GPC5: variants seen among roughly 807,000 people sequenced by gnomAD.
GPC5 encodes the protein glypican 5, also known as glypican-5.
Under a neutral mutation model 53.9 loss-of-function variants are expected in GPC5, and 47 were observed. The ratio of observed to expected loss-of-function variants is 0.87; its 90% CI spans 0.69 to 1.11. The LOEUF is 1.11. Among genes scored for constraint, GPC5 ranks in the 50% most tolerant of loss-of-function variants. The pLI, the probability that GPC5 is intolerant of heterozygous loss-of-function variation, is 0.00. For missense variants in GPC5, 748 were observed against 713.1 expected, an observed-to-expected ratio of 1.05 and a Z score of -0.56; for synonymous variants, 286 against 263.3, an observed-to-expected ratio of 1.09 and a Z score of -0.84.
At chr13:91,801,669 A>G (rs1175964619) in intron 5 of GPC5, among the ~76,000 whole-genome samples, 1 of 152,218 alleles carries the variant, frequency 6.6e-6, no homozygotes, top group Non-Finnish European at 1.5e-5. Flanking sequence ...AATATTTCTA[A>G]TAACCAACAT....
At position 91,721,057 on chromosome 13, in the gene GPC5, T is replaced by C. The variant is rs113601597; in HGVS notation, c.1021-7475T>C. 2.6e-3 allele frequency among the ~76,000 whole-genome samples: 398 copies of C among 151,566 alleles called. 1 individual carries two copies. The highest frequency in any genetic ancestry group is 8.9e-3 in the African/African-American group (367 of 41,140). On this transcript the variant is annotated intron_variant, in intron 3 of 7. Coordinates refer to ENST00000377067, the MANE Select transcript of GPC5 (RefSeq NM_004466.6). ...TTATCTTGTCCATTTTCTTTCTTCC[T>C]TCCTTCCCTTTCTTTCTTTCTTTCT...
chr13:92,544,070 A>G (rs1385519632), intron 7 of GPC5, among the ~76,000 whole-genome samples: 2 of 152,052 alleles, frequency 1.3e-5, no homozygotes, highest in East Asian at 3.9e-4. Context: ...AAGTAACTGA[A>G]GTTCCTTGGT....
At chr13:91,616,228 A>C (rs564759056) in intron 2 of GPC5, among the ~76,000 whole-genome samples, 1 of 152,224 alleles carries the variant, frequency 6.6e-6, no homozygotes, top group East Asian at 1.9e-4. Flanking sequence ...GGGCACCCTG[A>C]CAATAAATTC....
intron 7 of GPC5, among the ~76,000 whole-genome samples, chr13:92,703,989 C>T (rs1887856729): frequency 6.6e-6 from 1 of 151,992 alleles, no homozygotes; most frequent in Non-Finnish European, 1.5e-5. Flanking sequence ...ATGTTTCCAT[C>T]ATAATTCTGG....
intron 2 of GPC5, among the ~76,000 whole-genome samples, chr13:91,519,319 A>T (rs1885677734): frequency 6.6e-6 from 1 of 152,126 alleles, no homozygotes; most frequent in African/African-American, 2.4e-5. Context: ...GGAACTATTT[A>T]TATATTTATG....
chr13:91,617,885 C>T (rs2033741144), intron 2 of GPC5, among the ~76,000 whole-genome samples: 1 of 152,060 alleles, frequency 6.6e-6, no homozygotes, highest in South Asian at 2.1e-4. Flanking sequence ...AGAAAGCAGC[C>T]ATAGACAATA....
At chr13:92,227,843 T>C (rs942729910) in intron 7 of GPC5, among the ~76,000 whole-genome samples, 5 of 152,064 alleles carry the variant, frequency 3.3e-5, no homozygotes, top group African/African-American at 1.2e-4. Flanking sequence ...ATAAATAAGG[T>C]ATAATTTTTG....
chr13:92,652,169 A>G (rs1489185389), intron 7 of GPC5, among the ~76,000 whole-genome samples: 1 of 152,160 alleles, frequency 6.6e-6, no homozygotes, highest in African/African-American at 2.4e-5. Context: ...ATAAACATAT[A>G]TTTGCAGATA....
chr13:92,810,887 A>G (rs1566428428), intron 7 of GPC5, among the ~76,000 whole-genome samples: 1 of 151,624 alleles, frequency 6.6e-6, no homozygotes, highest in Non-Finnish European at 1.5e-5. Flanking sequence ...CAACCAGCTA[A>G]TTTTTTGTAT....
intron 2 of GPC5, among the ~76,000 whole-genome samples, chr13:91,538,427 G>A (rs922879546): frequency 8.6e-5 from 13 of 152,020 alleles, no homozygotes; most frequent in Non-Finnish European, 1.3e-4. Context: ...TCAAAATATC[G>A]TAAAACTGCG....
chr13:92,486,728 C>T (rs758809495), intron 7 of GPC5, among the ~76,000 whole-genome samples: 7 of 152,122 alleles, frequency 4.6e-5, no homozygotes, highest in Non-Finnish European at 8.8e-5. Flanking sequence ...AAAATAGACA[C>T]GTGGCTTTTT....
intron 6 of GPC5, among the ~76,000 whole-genome samples, chr13:91,964,155 G>A (rs1003293235): frequency 6.6e-6 from 1 of 152,130 alleles, no homozygotes; most frequent in African/African-American, 2.4e-5. Context: ...TGGTCTCACT[G>A]ACTTCAGGAT....
At chr13:92,769,612 T>C (rs966181076) in intron 7 of GPC5, among the ~76,000 whole-genome samples, 1 of 152,120 alleles carries the variant, frequency 6.6e-6, no homozygotes, top group Non-Finnish European at 1.5e-5. Flanking sequence ...ATTAAAGCAG[T>C]GTGACCTGAT....
intron 7 of GPC5, among the ~76,000 whole-genome samples, chr13:92,268,577 CT>C (rs200531427): frequency 6.2e-4 from 93 of 149,596 alleles, no homozygotes; most frequent in African/African-American, 1.8e-3. Flanking sequence ...TAGGTAATAT[CT>C]TTTTTTTTTG....
intron 5 of GPC5, among the ~76,000 whole-genome samples, chr13:91,902,531 A>G (rs1439549707): frequency 6.6e-6 from 1 of 152,118 alleles, no homozygotes; most frequent in Non-Finnish European, 1.5e-5. Context: ...TGGGTCTATT[A>G]CTTCCCCAAC....
At chr13:91,836,613 C>G (rs937511183) in intron 5 of GPC5, among the ~76,000 whole-genome samples, 2 of 151,770 alleles carry the variant, frequency 1.3e-5, no homozygotes, top group African/African-American at 4.8e-5. Flanking sequence ...AATGTGAATT[C>G]AATCTTAAGG....
chr13:92,210,730 T>C (rs1407437381), intron 7 of GPC5, among the ~76,000 whole-genome samples: 5 of 152,218 alleles, frequency 3.3e-5, no homozygotes, highest in Admixed American at 6.5e-5. Context: ...TATGTATATG[T>C]AAGGGAATAG....
At chr13:91,873,061 T>C (rs889186886) in intron 5 of GPC5, among the ~76,000 whole-genome samples, 2 of 152,254 alleles carry the variant, frequency 1.3e-5, no homozygotes, top group African/African-American at 4.8e-5. Flanking sequence ...CAGTAAATTA[T>C]TGATTCATTT....
chr13:91,984,854 A>G (rs1047650299), intron 6 of GPC5, among the ~76,000 whole-genome samples: 1 of 152,218 alleles, frequency 6.6e-6, no homozygotes, highest in African/African-American at 2.4e-5. Flanking sequence ...CGTGATTTTA[A>G]TAATTCAGAA....
Sources: gnomAD v4.1 joint callset for allele counts (sites outside exome capture counted in the v4.1 genomes callset) on GRCh38, gnomAD v4.1.1 for gene constraint, MANE v1.5 for transcripts, NCBI Gene and HGNC (gene_info 2026-07-23, HGNC 2026-07-21) for gene names.